Variants in PDZRN4 observed in about 807,000 individuals in gnomAD.
The protein encoded by PDZRN4 is PDZ domain-containing RING finger protein 4.
PDZRN4 carries 70 observed loss-of-function variants against 99.0 expected under a neutral mutation model. The ratio of observed to expected loss-of-function variants is 0.71; its 90% CI spans 0.58 to 0.86. The LOEUF (loss-of-function observed/expected upper bound fraction) is 0.86, where lower values mean the gene tolerates loss of function less well. PDZRN4 is among the 40% of genes least tolerant of loss of function. PDZRN4 has a pLI of 0.00. For missense variants in PDZRN4, 1,474 were observed against 1,331.2 expected, an observed-to-expected ratio of 1.11 and a Z score of -1.67; for synonymous variants, 551 against 501.6, an observed-to-expected ratio of 1.10 and a Z score of -1.32.
intron 2 of PDZRN4, among the ~76,000 whole-genome samples, chr12:41,192,631 T>G (rs1950742240): frequency 6.6e-6 from 1 of 152,218 alleles, no homozygotes; most frequent in South Asian, 2.1e-4. Context: ...TTACTCAGTT[T>G]GAAGATGCTA....
At chr12:41,301,365 G>T (rs910938711) in intron 3 of PDZRN4, among the ~76,000 whole-genome samples, 1 of 151,924 alleles carries the variant, frequency 6.6e-6, no homozygotes, top group African/African-American at 2.4e-5. Context: ...CAGAACAGTG[G>T]AATAACTGTA....
chr12:41,314,706 G>T (rs1377676983), intron 3 of PDZRN4, among the ~76,000 whole-genome samples: 1 of 152,032 alleles, frequency 6.6e-6, no homozygotes, highest in Non-Finnish European at 1.5e-5. Context: ...TGTCGTTTGG[G>T]TTTTTCTTGT....
chr12:41,366,071 C>T (rs774113494), intron 3 of PDZRN4, among the ~76,000 whole-genome samples: 2 of 152,128 alleles, frequency 1.3e-5, no homozygotes, highest in Non-Finnish European at 1.5e-5. Context: ...ATTGCTAATA[C>T]TATTGGATGA....
intron 3 of PDZRN4, among the ~76,000 whole-genome samples, chr12:41,324,329 A>G (rs1410977061): frequency 1.3e-5 from 2 of 152,118 alleles, no homozygotes; most frequent in African/African-American, 4.8e-5. Flanking sequence ...GCCATACTTT[A>G]AAAATCAGGA....
rs569001575 is a variant in PDZRN4, at chr12:41,474,395, C to CA, written c.844-32056dup. On this transcript the variant is annotated intron_variant, in intron 3 of 9. Transcript: ENST00000402685. ...AACAGGCTCAGATCTAAGCACTTGG[C>CA]AAAAATGAATGCATTTAAACTACAC... Among the ~76,000 whole-genome samples, 24 of 152,270 alleles carry CA rather than the reference C, an allele frequency of 1.6e-4. 1 individual carries two copies. In the East Asian group the frequency reaches 4.0e-3, roughly 26 times the overall value.
At chr12:41,430,947 C>T (rs768561632) in intron 3 of PDZRN4, among the ~76,000 whole-genome samples, 1 of 152,112 alleles carries the variant, frequency 6.6e-6, no homozygotes, top group Non-Finnish European at 1.5e-5. Flanking sequence ...ATGGTGAGAG[C>T]AGGAGCAAGA....
At chr12:41,567,350 G>C (rs1004177832) in intron 8 of PDZRN4, among the ~76,000 whole-genome samples, 1 of 151,048 alleles carries the variant, frequency 6.6e-6, no homozygotes, top group Admixed American at 6.6e-5. Flanking sequence ...CGAGCGTATG[G>C]GGGGAACTTT....
At chr12:41,347,708 A>C (rs1478172971) in intron 3 of PDZRN4, among the ~76,000 whole-genome samples, 1 of 152,164 alleles carries the variant, frequency 6.6e-6, no homozygotes, top group African/African-American at 2.4e-5. Context: ...TATCTAAGAA[A>C]GCATTTACTT....
intron 3 of PDZRN4, among the ~76,000 whole-genome samples, chr12:41,447,572 G>A (rs988454819): frequency 6.6e-6 from 1 of 152,054 alleles, no homozygotes; most frequent in South Asian, 2.1e-4. Flanking sequence ...ACGTTTAAAG[G>A]GTATAACACA....
At chr12:41,334,517 A>T (rs1169135866) in intron 3 of PDZRN4, among the ~76,000 whole-genome samples, 2 of 152,054 alleles carry the variant, frequency 1.3e-5, no homozygotes, top group Non-Finnish European at 2.9e-5. Context: ...TTATCTCCAA[A>T]TCAGCTTTCC....
chr12:41,550,556 C>G (rs542685562), intron 5 of PDZRN4, among the ~76,000 whole-genome samples: 7 of 152,260 alleles, frequency 4.6e-5, no homozygotes, highest in South Asian at 4.1e-4. Context: ...GGTGCTAAAT[C>G]ATTTCACTGT....
chr12:41,471,792 T>C (rs1952993360), intron 3 of PDZRN4, among the ~76,000 whole-genome samples: 1 of 151,500 alleles, frequency 6.6e-6, no homozygotes, highest in Non-Finnish European at 1.5e-5. Flanking sequence ...TAATGCTCCA[T>C]TTAAAATAAA....
intron 8 of PDZRN4, among the ~76,000 whole-genome samples, chr12:41,566,463 TTTTCATAGCTCATC>T (rs1417365065): frequency 6.6e-6 from 1 of 152,198 alleles, no homozygotes; most frequent in Non-Finnish European, 1.5e-5. Context: ...CTTGGCATAA[TTTTCATAGCTCATC>T]TGCATATCAA....
At chr12:41,437,357 G>A (rs78669578) in intron 3 of PDZRN4, among the ~76,000 whole-genome samples, 2,637 of 152,150 alleles carry the variant, frequency 0.017, 51 homozygotes, top group East Asian at 0.092. Context: ...TTGTTGCAGA[G>A]CATGGATATG....
intron 3 of PDZRN4, among the ~76,000 whole-genome samples, chr12:41,428,112 C>T (rs1952553194): frequency 6.6e-6 from 1 of 151,932 alleles, no homozygotes; most frequent in Non-Finnish European, 1.5e-5. Context: ...AAAAACAAAA[C>T]AAAACTCGTC....
chr12:41,523,557 G>C (rs1938526087), intron 5 of PDZRN4, among the ~76,000 whole-genome samples: 1 of 152,112 alleles, frequency 6.6e-6, no homozygotes, highest in Admixed American at 6.6e-5. Flanking sequence ...TCGTATTAGA[G>C]ACTGTCTCAG....
At chr12:41,425,888 T>C (rs529961254) in intron 3 of PDZRN4, among the ~76,000 whole-genome samples, 1 of 152,282 alleles carries the variant, frequency 6.6e-6, no homozygotes, top group South Asian at 2.1e-4. Context: ...CCATCCACTC[T>C]TCTAAAATAT....
intron 3 of PDZRN4, among the ~76,000 whole-genome samples, chr12:41,477,638 C>T (rs1937615754): frequency 6.6e-6 from 1 of 152,090 alleles, no homozygotes; most frequent in South Asian, 2.1e-4. Flanking sequence ...ACCACAAAAA[C>T]ATAAGCCTTT....
intron 3 of PDZRN4, among the ~76,000 whole-genome samples, chr12:41,276,831 G>A (rs1001043192): frequency 4.6e-5 from 7 of 152,086 alleles, no homozygotes; most frequent in African/African-American, 1.7e-4. Context: ...TCTATCTATG[G>A]TCAGTACCCT....
Sources: gnomAD v4.1 joint callset for allele counts (sites outside exome capture counted in the v4.1 genomes callset) on GRCh38, gnomAD v4.1.1 for gene constraint, MANE v1.5 for transcripts, NCBI Gene and HGNC (gene_info 2026-07-23, HGNC 2026-07-21) for gene names.